The following GTF2A1L variants were observed in gnomAD, a reference collection of about 807,000 sequenced individuals.
The protein encoded by GTF2A1L is general transcription factor IIA subunit 1 like, also known as TFIIA-alpha and beta-like factor.
A neutral mutation model predicts 49.7 loss-of-function variants in GTF2A1L; 48 were observed. The ratio of observed to expected loss-of-function variants is 0.97; its 90% CI spans 0.77 to 1.23. The LOEUF (loss-of-function observed/expected upper bound fraction) is 1.23. GTF2A1L is among the 50% of genes most tolerant of loss of function. The pLI, the probability that GTF2A1L is intolerant of heterozygous loss-of-function variation, is 0.00. For synonymous variants in GTF2A1L, 246 were observed against 193.5 expected, an observed-to-expected ratio of 1.27 and a Z score of -2.25; for missense variants, 736 against 564.8, an observed-to-expected ratio of 1.30 and a Z score of -3.07.
chr2:48,650,733 A>G (rs916692922), intron 6 of GTF2A1L, among the ~76,000 whole-genome samples: 3 of 152,206 alleles, frequency 2.0e-5, no homozygotes, highest in East Asian at 3.8e-4. Flanking sequence ...GTCAAAATAT[A>G]TTAAGATATA....
Position 48,667,495 on chromosome 2 carries a change from T to A in GTF2A1L, c.979-2227T>A, listed in dbSNP as rs559476582. ...AGTGGCATTCTTTTCAGCTTTTACATTATGGGCTGTGGGCCCTCTAAGATT... is the reference window on the plus strand; with the variant it reads ...AGTGGCATTCTTTTCAGCTTTTACAATATGGGCTGTGGGCCCTCTAAGATT... On this transcript the variant is annotated intron_variant, in intron 6 of 8. Transcript: ENST00000403751. Among the ~76,000 whole-genome samples, 12 of 152,322 alleles carry A rather than the reference T, an allele frequency of 7.9e-5. No individual in the cohort carries two copies. The East Asian group carries it at 2.3e-3, about 29-fold the overall frequency.
chr2:48,621,083 G>C, intron 2 of GTF2A1L, 84 bp from the exon 3 acceptor site: 3 of 1,525,534 alleles, frequency 2.0e-6, no homozygotes, highest in Non-Finnish European at 1.8e-6. Context: ...GATGACGTTA[G>C]TTTTTAAGAA....
chr2:48,628,014 C>A (rs1279590454), intron 3 of GTF2A1L, among the ~76,000 whole-genome samples: 1 of 143,880 alleles, frequency 7.0e-6, no homozygotes, highest in African/African-American at 2.5e-5. Flanking sequence ...ACTTAGGATA[C>A]CAGCCTCCAG....
intron 8 of GTF2A1L, among the ~76,000 whole-genome samples, chr2:48,673,264 G>T (rs2104315746): frequency 6.6e-6 from 1 of 151,810 alleles, no homozygotes; most frequent in East Asian, 1.9e-4. Flanking sequence ...CTTACCCATT[G>T]CTATTTCCCT....
chr2:48,622,694 C>T lies in GTF2A1L; in HGVS notation c.247+1404C>T, dbSNP rs151246062. Reference sequence around the variant, plus strand: ...AACAAAAGCACAAAAATTAGCCAGGCGTGGTGGCTCATGCCTGTAATCCTA... The same window carrying T: ...AACAAAAGCACAAAAATTAGCCAGGTGTGGTGGCTCATGCCTGTAATCCTA... On this transcript the variant is annotated intron_variant, in intron 3 of 8. Coordinates refer to ENST00000403751, the MANE Select transcript of GTF2A1L (RefSeq NM_006872.5). 7.4e-3 allele frequency among the ~76,000 whole-genome samples: 1,131 copies of T among 152,098 alleles called. 12 individuals are homozygous for T. The highest frequency in any genetic ancestry group is 0.026 in the African/African-American group (1,078 of 41,488).
intron 6 of GTF2A1L, among the ~76,000 whole-genome samples, chr2:48,655,812 T>C (rs1678137576): frequency 6.6e-6 from 1 of 152,164 alleles, no homozygotes; most frequent in South Asian, 2.1e-4. Context: ...ATTTTTCATC[T>C]TCCCAAACTC....
intron 3 of GTF2A1L, among the ~76,000 whole-genome samples, chr2:48,635,694 T>A (rs1480159148): frequency 6.6e-6 from 1 of 152,050 alleles, no homozygotes; most frequent in Non-Finnish European, 1.5e-5. Context: ...GCTACTACCC[T>A]GCTCCAGAGC....
At chr2:48,636,113 C>G (rs912870579) in intron 3 of GTF2A1L, among the ~76,000 whole-genome samples, 2 of 152,216 alleles carry the variant, frequency 1.3e-5, no homozygotes, top group South Asian at 2.1e-4. Flanking sequence ...TCTCATTTTC[C>G]TTCTTGAATT....
At chr2:48,655,998 A>G (rs1678148635) in intron 6 of GTF2A1L, among the ~76,000 whole-genome samples, 1 of 152,198 alleles carries the variant, frequency 6.6e-6, no homozygotes, top group Non-Finnish European at 1.5e-5. Flanking sequence ...ATGTTGTAGC[A>G]TGTATCAGAA....
chr2:48,654,500 A>G (rs1352853385), intron 6 of GTF2A1L, among the ~76,000 whole-genome samples: 3 of 151,966 alleles, frequency 2.0e-5, no homozygotes, highest in Admixed American at 2.0e-4. Context: ...CTCCTGTCTC[A>G]GTCTCCCGCG....
At chr2:48,625,553 GC>G (rs1286056327) in intron 3 of GTF2A1L, among the ~76,000 whole-genome samples, 8 of 143,234 alleles carry the variant, frequency 5.6e-5, no homozygotes, top group African/African-American at 2.0e-4. Flanking sequence ...CTGTGCAGGA[GC>G]TTTTTAATTT....
chr2:48,670,106 T>C, intron 7 of GTF2A1L, 124 bp downstream of exon 7: 3 of 1,387,556 alleles, frequency 2.2e-6, no homozygotes, highest in African/African-American at 2.9e-5. Flanking sequence ...ATAAGACTTA[T>C]TTGGGGCCGG....
Position 48,642,466 on chromosome 2 carries a change from C to T in GTF2A1L, c.303+9C>T. The T allele has an allele frequency of 6.4e-7, 1 of 1,571,538 alleles. No homozygotes were observed. The highest frequency in any genetic ancestry group is 8.7e-7 in the Non-Finnish European group (1 of 1,151,358). On this transcript the variant is annotated intron_variant, in intron 4 of 8. Transcript: ENST00000403751. ...TTACCACAGCAGAACTGGTATGTAGCTTACTTAAAATATATTTTAAAAGAC... is the reference window on the plus strand; with the variant it reads ...TTACCACAGCAGAACTGGTATGTAGTTTACTTAAAATATATTTTAAAAGAC...
At chr2:48,651,682 G>A (rs987496296) in intron 6 of GTF2A1L, among the ~76,000 whole-genome samples, 18 of 152,024 alleles carry the variant, frequency 1.2e-4, no homozygotes, top group African/African-American at 3.9e-4. Context: ...TTAGAGCCAC[G>A]GTTTTGAATT....
chr2:48,678,937 C>A (rs928222750), intron 8 of GTF2A1L, among the ~76,000 whole-genome samples: 1 of 151,882 alleles, frequency 6.6e-6, no homozygotes, highest in Non-Finnish European at 1.5e-5. Flanking sequence ...TACTCCTTAC[C>A]TTCTTCAAGT....
At chr2:48,625,632 G>C (rs1193215470) in intron 3 of GTF2A1L, among the ~76,000 whole-genome samples, 1 of 142,224 alleles carries the variant, frequency 7.0e-6, no homozygotes. Flanking sequence ...ATCCATGCTG[G>C]AGTACAGTGG....
At chr2:48,672,462 A>C (rs1679223653) in intron 8 of GTF2A1L, among the ~76,000 whole-genome samples, 1 of 152,218 alleles carries the variant, frequency 6.6e-6, no homozygotes, top group African/African-American at 2.4e-5. Flanking sequence ...TTTAAAAGCC[A>C]GATGTGTTTG....
chr2:48,652,569 C>T (rs535092436), intron 6 of GTF2A1L, among the ~76,000 whole-genome samples: 10 of 151,392 alleles, frequency 6.6e-5, no homozygotes, highest in East Asian at 2.0e-4. Flanking sequence ...GAGCCAAGAT[C>T]GTCCCACTGC....
At chr2:48,648,759 G>C (rs913308403) in intron 6 of GTF2A1L, among the ~76,000 whole-genome samples, 4 of 151,842 alleles carry the variant, frequency 2.6e-5, no homozygotes, top group African/African-American at 9.7e-5. Context: ...TAATATATTG[G>C]GTAACTTTTC....
Sources: allele counts gnomAD v4.1 joint callset (sites outside exome capture counted in the v4.1 genomes callset), GRCh38; gene constraint gnomAD v4.1.1; transcripts MANE v1.5; gene names NCBI Gene and HGNC (gene_info 2026-07-23, HGNC 2026-07-21).